Variants in OSBPL10 observed in about 807,000 individuals in gnomAD.
OSBPL10 encodes oxysterol binding protein like 10.
OSBPL10 carries 49 observed loss-of-function variants against 81.7 expected under a neutral mutation model. That is an observed-to-expected ratio of 0.60 (90% CI 0.48 to 0.76). OSBPL10 has a LOEUF of 0.76. OSBPL10 is among the 30% of genes least tolerant of loss of function. OSBPL10 has a pLI of 0.00. For synonymous variants in OSBPL10, 419 were observed against 383.6 expected (o/e 1.09, Z -1.08); for missense variants, 923 against 987.8 (o/e 0.93, Z 0.88).
chr3:31,866,327 C>T (rs1040644932), intron 3 of OSBPL10, among the ~76,000 whole-genome samples: 3 of 152,282 alleles, frequency 2.0e-5, no homozygotes, highest in African/African-American at 7.2e-5. Context: ...GTGGTGTCTG[C>T]ACCTGGCAAG....
chr3:31,796,280 A>G (rs1176792602), intron 4 of OSBPL10: 1 of 169,282 alleles, frequency 5.9e-6, no homozygotes, highest in Non-Finnish European at 1.3e-5. Flanking sequence ...GTGGAAAGAT[A>G]TTTACCTGAA....
At chr3:31,765,532 G>C (rs1490184471) in intron 4 of OSBPL10, among the ~76,000 whole-genome samples, 1 of 151,966 alleles carries the variant, frequency 6.6e-6, no homozygotes, top group African/African-American at 2.4e-5. Context: ...ATACAAAGGA[G>C]AGCACCCAGG....
intron 5 of OSBPL10, among the ~76,000 whole-genome samples, chr3:31,741,087 C>A (rs1575513323): frequency 6.6e-6 from 1 of 152,112 alleles, no homozygotes; most frequent in East Asian, 1.9e-4. Context: ...CCTACAAGGC[C>A]CCTGCAAGGT....
intron 7 of OSBPL10, among the ~76,000 whole-genome samples, chr3:31,701,341 G>A (rs996232646): frequency 6.6e-6 from 1 of 152,266 alleles, no homozygotes; most frequent in African/African-American, 2.4e-5. Flanking sequence ...CTGGCCTTCA[G>A]AATCTAGAAC....
chr3:31,930,945 C>T lies in OSBPL10; in HGVS notation c.281+49954G>A, dbSNP rs559059223. ...AGGAGAATGGCGTGAACCCAGGAGG[C>T]GGAGCTTGCAGTGAGCCGAGATCCC... On this transcript the variant is annotated intron_variant, in intron 1 of 11. Coordinates refer to ENST00000396556, the MANE Select transcript of OSBPL10 (RefSeq NM_017784.5). Among the ~76,000 whole-genome samples the T allele has an allele frequency of 8.9e-5, 12 of 135,294 alleles. No homozygotes were observed. The South Asian group carries it at 1.5e-3, about 17-fold the overall frequency. The allele number at this position is 135,294 out of a possible 152,430, so 88.8% of individuals were successfully genotyped here. A position where few individuals can be genotyped will look rare whatever the true frequency, so the allele number is the denominator to read the frequency against.
chr3:31,999,023 C>G (rs1420671529), intron 2 of OSBPL10, among the ~76,000 whole-genome samples: 1 of 152,186 alleles, frequency 6.6e-6, no homozygotes, highest in Non-Finnish European at 1.5e-5. Flanking sequence ...AAAGGAGGGA[C>G]ATAATTTACA....
intron 8 of OSBPL10, among the ~76,000 whole-genome samples, chr3:31,679,534 A>C (rs1700582322): frequency 6.6e-6 from 1 of 152,266 alleles, no homozygotes; most frequent in Non-Finnish European, 1.5e-5. Context: ...GGAGGTAAAC[A>C]TGATTAAAAT....
intron 4 of OSBPL10, among the ~76,000 whole-genome samples, chr3:31,770,266 C>T (rs570846341): frequency 8.7e-4 from 133 of 152,060 alleles, no homozygotes; most frequent in Non-Finnish European, 1.8e-3. Context: ...AGTTGGGGGA[C>T]GGGGGTTATA....
intron 4 of OSBPL10, among the ~76,000 whole-genome samples, chr3:31,812,822 A>AGAGAGAGAGAGAG (rs1699741727): frequency 8.4e-6 from 1 of 119,740 alleles, no homozygotes; most frequent in African/African-American, 3.1e-5. Context: ...AAGAAAGAGA[A>AGAGAGAGAGAGAG]AGAAAGAAAG....
At chr3:32,075,598 ATCTT>A (rs781278551) in intron 1 of OSBPL10, among the ~76,000 whole-genome samples, 2 of 152,020 alleles carry the variant, frequency 1.3e-5, no homozygotes, top group East Asian at 3.9e-4. Context: ...TCACCCCAAA[ATCTT>A]TCTTCAGTTG....
At chr3:31,730,783 C>T (rs1381187051) in intron 6 of OSBPL10, among the ~76,000 whole-genome samples, 1 of 152,222 alleles carries the variant, frequency 6.6e-6, no homozygotes, top group Non-Finnish European at 1.5e-5. Context: ...CCAGAACCAG[C>T]AGAGGGGAGC....
At chr3:31,876,075 G>A (rs1358268650) in intron 3 of OSBPL10, among the ~76,000 whole-genome samples, 1 of 151,916 alleles carries the variant, frequency 6.6e-6, no homozygotes, top group East Asian at 1.9e-4. Flanking sequence ...TTAAGGATCG[G>A]TGATGGCTAC....
chr3:31,839,314 C>T (rs1184966532), intron 3 of OSBPL10, among the ~76,000 whole-genome samples: 2 of 152,014 alleles, frequency 1.3e-5, no homozygotes, highest in Non-Finnish European at 2.9e-5. Context: ...CATCAACTGA[C>T]TCACATTATT....
intron 1 of OSBPL10, among the ~76,000 whole-genome samples, chr3:32,074,036 T>C (rs1400246706): frequency 3.9e-5 from 6 of 152,144 alleles, no homozygotes; most frequent in Non-Finnish European, 8.8e-5. Flanking sequence ...CGCCAATCCT[T>C]CTCTAGCAAA....
chr3:31,847,281 C>G (rs4456904), intron 3 of OSBPL10, among the ~76,000 whole-genome samples: 1 of 151,450 alleles, frequency 6.6e-6, no homozygotes, highest in Non-Finnish European at 1.5e-5. Flanking sequence ...ACTGCAGCCT[C>G]GGTCTCCCAG....
chr3:31,808,238 G>A (rs960540265), intron 4 of OSBPL10, among the ~76,000 whole-genome samples: 1 of 152,168 alleles, frequency 6.6e-6, no homozygotes, highest in Admixed American at 6.5e-5. Context: ...TGGAGGGAAA[G>A]GGGGAGAAAG....
chr3:31,913,363 C>G (rs1696648172), intron 1 of OSBPL10, among the ~76,000 whole-genome samples: 1 of 152,042 alleles, frequency 6.6e-6, no homozygotes, highest in African/African-American at 2.4e-5. Flanking sequence ...ATTCTCCTGC[C>G]TCAGCCTCCC....
chr3:31,718,042 G>C (rs1465756643), intron 6 of OSBPL10: 5 of 152,060 alleles, frequency 3.3e-5, no homozygotes, highest in Non-Finnish European at 5.9e-5. Context: ...ACTGTGCTCA[G>C]GTAGGACCTA....
chr3:32,018,525 A>G (rs1029693430), intron 2 of OSBPL10, among the ~76,000 whole-genome samples: 1 of 152,186 alleles, frequency 6.6e-6, no homozygotes, highest in African/African-American at 2.4e-5. Flanking sequence ...ACACTGGAAA[A>G]AAGTTTACAA....
Sources: gnomAD v4.1 joint callset for allele counts (sites outside exome capture counted in the v4.1 genomes callset) on GRCh38, gnomAD v4.1.1 for gene constraint, MANE v1.5 for transcripts, NCBI Gene and HGNC (gene_info 2026-07-23, HGNC 2026-07-21) for gene names.